Variants in EVPLL observed in about 807,000 individuals in gnomAD.
EVPLL encodes envoplakin like, also known as envoplakin-like protein.
A neutral mutation model predicts 46.2 loss-of-function variants in EVPLL; 39 were observed. The observed-to-expected ratio is 0.84, with a 90% CI of 0.65 to 1.10. The LOEUF (loss-of-function observed/expected upper bound fraction) is 1.10. Among genes scored for constraint, EVPLL ranks in the 50% least tolerant of loss-of-function variants. The probability of loss-of-function intolerance (pLI) is 0.00; values close to 1 mark genes in which losing one functional copy is unlikely to be tolerated. For missense variants in EVPLL, 385 were observed against 412.6 expected (o/e 0.93, Z 0.58); for synonymous variants, 156 against 165.8 (o/e 0.94, Z 0.46).
In EVPLL at chr17:18,382,572, G is replaced by A. The variant is rs994378555; in HGVS notation, c.406G>A (p.Gly136Arg). ...TGGCGGAGCTGGAGGAACAGATCGC[G>A]GAGCTCAACATCGTGCAGAAGGAGA... is the stretch of plus-strand genomic sequence containing the variant. The part of the protein sequence containing the change: ...GHGGAGGTDR[G>R]AQHRAEGDQR... Residue 136 changes from glycine (G) to arginine (R), a missense_variant, in exon 5 of 11, where the codon GGA (glycine) becomes AGA (arginine). By Grantham distance (125) the Gly-to-Arg change is moderately radical (BLOSUM62 -2). Coordinates refer to ENST00000399134, the MANE Select transcript of EVPLL (RefSeq NM_001145127.2). 3.2e-6 allele frequency: 5 copies of A among 1,551,834 alleles called. No individual in the cohort carries two copies. The highest frequency in any genetic ancestry group is 2.4e-5 in the South Asian group (2 of 84,062).
chr17:18,383,722 C>T (rs1329135647), intron 9 of EVPLL, 135 bp downstream of exon 9: 4 of 777,000 alleles, frequency 5.1e-6, no homozygotes, highest in Non-Finnish European at 8.3e-6. Flanking sequence ...CCTGTAATCC[C>T]AGCACTTTGG....
intron 9 of EVPLL, 126 bp downstream of exon 9, chr17:18,383,713 C>G (rs1365596800): frequency 1.2e-6 from 1 of 836,668 alleles, no homozygotes; most frequent in Admixed American, 2.5e-5. Flanking sequence ...TGGCTCACAC[C>G]TGTAATCCCA....
At position 18,378,021 on chromosome 17, in the gene EVPLL, G is replaced by T; in HGVS notation, c.-37+38G>T. ...AGGGGATGGGGAGCCAGGGAGCTAG[G>T]GTGGGGGTGGTGCCAGGCCCAGGTC... On this transcript the variant is annotated intron_variant, in intron 1 of 10. Coordinates refer to ENST00000399134, the MANE Select transcript of EVPLL (RefSeq NM_001145127.2). 13 of 616,052 alleles carry T rather than the reference G, an allele frequency of 2.1e-5. No individual in the cohort carries two copies. The South Asian group carries it at 3.6e-4, about 17-fold the overall frequency. The allele number at this position is 616,052 out of a possible 1,614,324, so 38.2% of individuals were successfully genotyped here. A position where few individuals can be genotyped will look rare whatever the true frequency, so the allele number is the denominator to read the frequency against.
Position 18,382,637 on chromosome 17 carries a change from C to A in EVPLL, c.471C>A (p.Ala157=). ...PRRAAAEPGG[A]GCRHHPEPIP... Reference sequence around the variant, plus strand: ...GAGCAGCTGCGGAGCCTGGTGGGGCCGGTGGGTGAGCCGGGAAGATGTTAC... The same window carrying A: ...GAGCAGCTGCGGAGCCTGGTGGGGCAGGTGGGTGAGCCGGGAAGATGTTAC... Residue 157 remains alanine (A), a splice_region_variant and synonymous_variant, in exon 5 of 11, where the codon GCC becomes GCA. Coordinates refer to ENST00000399134, the MANE Select transcript of EVPLL (RefSeq NM_001145127.2). 1 of 1,549,812 alleles carries A rather than the reference C, an allele frequency of 6.5e-7. No homozygotes were observed. The highest frequency in any genetic ancestry group is 8.7e-7 in the Non-Finnish European group (1 of 1,145,932).
intron 1 of EVPLL, chr17:18,380,626 C>G (rs1325279584): frequency 3.1e-6 from 1 of 319,432 alleles, no homozygotes; most frequent in Admixed American, 4.2e-5. Context: ...ACTGCCAGCA[C>G]AGCTGGCTGA....
intron 1 of EVPLL, 103 bp from the exon 2 acceptor site, chr17:18,380,799 G>A (rs1191803967): frequency 1.0e-6 from 1 of 959,016 alleles, no homozygotes; most frequent in Non-Finnish European, 1.6e-6. Flanking sequence ...GTGCTAGGCT[G>A]TGGGGGCGGG....
Position 18,381,190 on chromosome 17 carries a change from C to T in EVPLL, c.64-177C>T. On this transcript the variant is annotated intron_variant, in intron 2 of 10. Coordinates refer to ENST00000399134, the MANE Select transcript of EVPLL (RefSeq NM_001145127.2). This position sits in a 1 kb window ranked among gnomAD's most constrained non-coding sequence, Gnocchi z 4.2. ...TCAACTTCCTTCTTTGCTGGGCTCC[C>T]CTGTGTCTTTGTCACCTGCCTCATG... 1 of 1,235,940 alleles carries T rather than the reference C, an allele frequency of 8.1e-7. No individual in the cohort carries two copies. Among genetic ancestry groups the T allele is most frequent in the Non-Finnish European group, 1.1e-6 (1 of 901,958 alleles). 76.6% of individuals were successfully genotyped at this position (1,235,940 alleles called of 1,614,324 possible).
chr17:18,381,790 C>T lies in EVPLL; in HGVS notation c.346+60C>T. On this transcript the variant is annotated intron_variant, in intron 4 of 10. Coordinates refer to ENST00000399134, the MANE Select transcript of EVPLL (RefSeq NM_001145127.2). The surrounding 1 kb of genome is among the most constrained non-coding windows in gnomAD (Gnocchi z 4.2). ...GAGGGTGATACGGAACTGCATTTAACCCAGGGCCTGACTGTAGGCTTGAAC... is the reference window on the plus strand; with the variant it reads ...GAGGGTGATACGGAACTGCATTTAATCCAGGGCCTGACTGTAGGCTTGAAC... The T allele has an allele frequency of 6.2e-7, 1 of 1,611,454 alleles. No individual in the cohort carries two copies. The highest frequency in any genetic ancestry group is 8.5e-7 in the Non-Finnish European group (1 of 1,178,856).
intron 9 of EVPLL, among the ~76,000 whole-genome samples, chr17:18,384,415 G>A (rs1159652563): frequency 6.6e-6 from 1 of 150,714 alleles, no homozygotes; most frequent in Non-Finnish European, 1.5e-5. Context: ...CCGCCTGGGT[G>A]ACAGACTGTG....
At position 18,382,558 on chromosome 17, in the gene EVPLL, G is replaced by A. The variant is rs1476200280; in HGVS notation, c.392G>A (p.Gly131Glu). 15 of 1,551,856 alleles carry A rather than the reference G, an allele frequency of 9.7e-6. No individual in the cohort carries two copies. The highest frequency in any genetic ancestry group is 1.2e-5 in the Non-Finnish European group (14 of 1,147,052). Residue 131 changes from glycine to glutamate, a missense_variant, in exon 5 of 11, where the codon GGA (glycine) becomes GAA (glutamate). Coordinates refer to ENST00000399134, the MANE Select transcript of EVPLL (RefSeq NM_001145127.2). ...GTATGGGCCGGGCATGGCGGAGCTG[G>A]AGGAACAGATCGCGGAGCTCAACAT... ...RPVWAGHGGA[G>E]GTDRGAQHRA...
At position 18,388,869 on chromosome 17, in the gene EVPLL, G is replaced by A. The variant is rs201700955; in HGVS notation, c.*53G>A. The A allele has an allele frequency of 1.2e-4, 16 of 129,712 alleles. 1 individual carries two copies. Among genetic ancestry groups the A allele is most frequent in the Admixed American group, 1.1e-3 (15 of 13,302 alleles). The allele number at this position is 129,712 out of a possible 1,614,324, so 8.0% of individuals were successfully genotyped here. A position where few individuals can be genotyped will look rare whatever the true frequency, so the allele number is the denominator to read the frequency against. ...TCTCCTTTTTCAGCTCTTGCCGCAC[G>A]TGCAGAGAGAGAGGAACTTCCAGTG... is the stretch of plus-strand genomic sequence containing the variant. On this transcript the variant is annotated 3_prime_UTR_variant, in exon 11 of 11. Transcript: ENST00000399134.
At chr17:18,378,829 C>T (rs1164144621) in intron 1 of EVPLL, among the ~76,000 whole-genome samples, 1 of 146,640 alleles carries the variant, frequency 6.8e-6, no homozygotes, top group Non-Finnish European at 1.5e-5. Context: ...TGCAATCCTA[C>T]CACTTTGGGA....
chr17:18,386,285 G>A (rs566811559), intron 9 of EVPLL: 1 of 152,174 alleles, frequency 6.6e-6, no homozygotes, highest in East Asian at 1.9e-4. Flanking sequence ...ATATTGAATT[G>A]GGCACCCCCT....
chr17:18,387,205 GTTTTT>G (rs1987796532), intron 9 of EVPLL, among the ~76,000 whole-genome samples: 1 of 151,206 alleles, frequency 6.6e-6, no homozygotes, highest in South Asian at 2.1e-4. Context: ...GGCCTGGTCA[GTTTTT>G]TAATTGATCT....
At chr17:18,388,350 C>T in intron 10 of EVPLL, 62 bp downstream of exon 10, 1 of 736,048 alleles carries the variant, frequency 1.4e-6, no homozygotes, top group Non-Finnish European at 2.4e-6. Context: ...GACAGTCCTC[C>T]TGTCATCCCC....
At chr17:18,386,240 G>T in intron 9 of EVPLL, among the ~76,000 whole-genome samples, 1 of 152,140 alleles carries the variant, frequency 6.6e-6, no homozygotes, top group Admixed American at 6.6e-5. Context: ...GCATGTCTCT[G>T]TGTCCAAATT....
At chr17:18,380,251 T>A (rs1037962634) in intron 1 of EVPLL, 20 of 152,220 alleles carry the variant, frequency 1.3e-4, no homozygotes, top group African/African-American at 4.6e-4. Context: ...GGAAGCAAGG[T>A]TTCCCCTCCG....
Position 18,377,821 on chromosome 17 carries a change from C to A in EVPLL, c.-199C>A. ...GCCAGCAAGGACGCCCGCTGCCTCCCACCTGCCCTCCTGCCCTCCTTCACC... is the reference window on the plus strand; with the variant it reads ...GCCAGCAAGGACGCCCGCTGCCTCCAACCTGCCCTCCTGCCCTCCTTCACC... On this transcript the variant is annotated 5_prime_UTR_variant, in exon 1 of 11. Coordinates refer to ENST00000399134, the MANE Select transcript of EVPLL (RefSeq NM_001145127.2). 1.5e-6 allele frequency: 1 copy of A among 650,460 alleles called. No individual in the cohort carries two copies. Among genetic ancestry groups the A allele is most frequent in the Non-Finnish European group, 2.6e-6 (1 of 380,430 alleles). The allele number at this position is 650,460 out of a possible 1,614,324, so 40.3% of individuals were successfully genotyped here.
Position 18,383,172 on chromosome 17 carries a change from G to T in EVPLL, c.659G>T (p.Arg220Leu). Residue 220 changes from arginine (R) to leucine (L), a missense_variant, in exon 7 of 11, where the codon CGG becomes CTG. Coordinates refer to ENST00000399134, the MANE Select transcript of EVPLL (RefSeq NM_001145127.2). Reference protein sequence around the residue: ...SDLMADPAGVRREYEHFKQHE... With the variant: ...SDLMADPAGVLREYEHFKQHE... ...CTCATGGCCGACCCTGCGGGCGTGCGGCGGGAATACGAGGTCGGCTGGCAG... is the reference window on the plus strand; with the variant it reads ...CTCATGGCCGACCCTGCGGGCGTGCTGCGGGAATACGAGGTCGGCTGGCAG... 6.5e-7 allele frequency: 1 copy of T among 1,549,170 alleles called. No individual in the cohort carries two copies. Among genetic ancestry groups the T allele is most frequent in the Non-Finnish European group, 8.7e-7 (1 of 1,153,136 alleles).
Sources: allele counts gnomAD v4.1 joint callset (sites outside exome capture counted in the v4.1 genomes callset), GRCh38; gene constraint gnomAD v4.1.1; non-coding constraint Gnocchi (gnomAD v3.1); transcripts MANE v1.5; gene names NCBI Gene and HGNC (gene_info 2026-07-23, HGNC 2026-07-21).